Variants in LARGE1 observed in about 807,000 individuals in gnomAD.
The protein encoded by LARGE1 is xylosyl- and glucuronyltransferase LARGE1.
In LARGE1, 43 loss-of-function variants were observed where a neutral mutation model predicts 87.6. The observed-to-expected ratio is 0.49, with a 90% CI of 0.38 to 0.63. The LOEUF (loss-of-function observed/expected upper bound fraction) is 0.63, where lower values mean the gene tolerates loss of function less well. Among genes scored for constraint, LARGE1 ranks in the 30% least tolerant of loss-of-function variants. The pLI, the probability that LARGE1 is intolerant of heterozygous loss-of-function variation, is 0.00. For missense variants in LARGE1, 802 were observed against 1,000.2 expected, an observed-to-expected ratio of 0.80 and a Z score of 2.67; for synonymous variants, 434 against 394.6, an observed-to-expected ratio of 1.10 and a Z score of -1.18.
intron 10 of LARGE1, among the ~76,000 whole-genome samples, chr22:33,328,608 AAAAT>A (rs2146452606): frequency 6.6e-6 from 1 of 150,752 alleles, no homozygotes; most frequent in Non-Finnish European, 1.5e-5. Flanking sequence ...TAATAATAAT[AAAAT>A]AAAACAAATA....
intron 10 of LARGE1, among the ~76,000 whole-genome samples, chr22:33,337,322 C>T (rs906451352): frequency 1.7e-4 from 26 of 152,156 alleles, no homozygotes; most frequent in Admixed American, 5.9e-4. Flanking sequence ...TCCACAAAAA[C>T]ATTGGTGTTT....
chr22:33,623,323 A>G (rs1421817198), intron 4 of LARGE1, among the ~76,000 whole-genome samples: 1 of 152,116 alleles, frequency 6.6e-6, no homozygotes, highest in Non-Finnish European at 1.5e-5. Flanking sequence ...AACAATAACA[A>G]TGTGGAAAGG....
chr22:33,422,532 T>C (rs1379558390), intron 7 of LARGE1, among the ~76,000 whole-genome samples: 1 of 148,532 alleles, frequency 6.7e-6, no homozygotes, highest in Non-Finnish European at 1.5e-5. Flanking sequence ...TTTTTTGAGA[T>C]GGAATCTTGC....
the LARGE1 span, among the ~76,000 whole-genome samples, chr22:33,067,894 C>T: frequency 1.3e-5 from 2 of 151,740 alleles, no homozygotes; most frequent in East Asian, 1.9e-4. Context: ...GCAGGAGAAT[C>T]GGTTGAACCT....
At chr22:33,645,752 A>G (rs933236098) in intron 3 of LARGE1, among the ~76,000 whole-genome samples, 2 of 152,206 alleles carry the variant, frequency 1.3e-5, no homozygotes, top group African/African-American at 2.4e-5. Context: ...AACAAGAAAA[A>G]ACAAATGACC....
chr22:33,291,917 AC>A (rs1279879969), intron 12 of LARGE1, among the ~76,000 whole-genome samples: 1 of 152,062 alleles, frequency 6.6e-6, no homozygotes, highest in Non-Finnish European at 1.5e-5. Flanking sequence ...ACATAGTGAA[AC>A]CCCGTCTCTA....
chr22:33,196,632 C>T (rs1164469494), intron 11 of LARGE1, among the ~76,000 whole-genome samples: 1 of 151,926 alleles, frequency 6.6e-6, no homozygotes, highest in Non-Finnish European at 1.5e-5. Flanking sequence ...GGAACAGTTA[C>T]TTCATTCAAC....
chr22:33,234,813 T>A (rs917119086), intron 11 of LARGE1, among the ~76,000 whole-genome samples: 13 of 152,170 alleles, frequency 8.5e-5, no homozygotes, highest in Non-Finnish European at 1.9e-4. Context: ...AGTGCTGGGA[T>A]TACAGGTGTG....
chr22:33,817,203 T>G (rs1285923973), intron 1 of LARGE1, among the ~76,000 whole-genome samples: 1 of 152,174 alleles, frequency 6.6e-6, no homozygotes, highest in African/African-American at 2.4e-5. Flanking sequence ...AACCTGGTGC[T>G]TGCCAACAGC....
chr22:33,759,540 A>G (rs1427101055), intron 2 of LARGE1, among the ~76,000 whole-genome samples: 2 of 152,202 alleles, frequency 1.3e-5, no homozygotes. Flanking sequence ...AAACATATGT[A>G]GAAGTCCTTA....
At chr22:33,147,476 T>A in the LARGE1 span, among the ~76,000 whole-genome samples, 4 of 152,230 alleles carry the variant, frequency 2.6e-5, no homozygotes, top group Admixed American at 2.6e-4. Flanking sequence ...CGTTTTAGTT[T>A]ATTTTCTCCA....
chr22:33,534,433 G>A (rs1388395204), intron 6 of LARGE1, among the ~76,000 whole-genome samples: 2 of 151,962 alleles, frequency 1.3e-5, no homozygotes, highest in African/African-American at 4.8e-5. Flanking sequence ...AAAAAAGAGG[G>A]ATGAAGTCAC....
intron 3 of LARGE1, among the ~76,000 whole-genome samples, chr22:33,639,245 G>T (rs2149129292): frequency 6.6e-6 from 1 of 152,266 alleles, no homozygotes; most frequent in East Asian, 1.9e-4. Context: ...TAAAAGAAAG[G>T]GAGGTTGGGT....
intron 5 of LARGE1, among the ~76,000 whole-genome samples, chr22:33,567,126 T>C (rs537013339): frequency 6.6e-6 from 1 of 152,192 alleles, no homozygotes; most frequent in Non-Finnish European, 1.5e-5. Context: ...ATGGGTCTCA[T>C]GAGTCAGCAT....
chr22:33,853,475 C>T (rs1169226043), intron 1 of LARGE1, among the ~76,000 whole-genome samples: 1 of 152,184 alleles, frequency 6.6e-6, no homozygotes, highest in Non-Finnish European at 1.5e-5. Flanking sequence ...GCATTTAAGT[C>T]CCTTGTTCAA....
intron 2 of LARGE1, among the ~76,000 whole-genome samples, chr22:33,674,198 C>T (rs1307231261): frequency 6.6e-6 from 1 of 152,092 alleles, no homozygotes; most frequent in Non-Finnish European, 1.5e-5. Context: ...CCTGCCTCGG[C>T]CTCCCAAAGT....
intron 6 of LARGE1, among the ~76,000 whole-genome samples, chr22:33,497,017 C>T (rs1024364642): frequency 2.0e-5 from 3 of 151,512 alleles, no homozygotes; most frequent in Non-Finnish European, 4.4e-5. Context: ...TGTAGGGACA[C>T]AAATTCCAGA....
intron 1 of LARGE1, among the ~76,000 whole-genome samples, chr22:33,811,087 G>A (rs966367173): frequency 1.3e-5 from 2 of 152,134 alleles, no homozygotes; most frequent in Admixed American, 6.6e-5. Context: ...TGGGTAAATT[G>A]GGTGTTCAGG....
chr22:33,279,393 C>A (rs933083824), intron 13 of LARGE1, among the ~76,000 whole-genome samples: 1 of 152,168 alleles, frequency 6.6e-6, no homozygotes, highest in African/African-American at 2.4e-5. Context: ...GCAAGGGAGG[C>A]GCTAAGTGAG....
Sources: allele counts gnomAD v4.1 joint callset (sites outside exome capture counted in the v4.1 genomes callset), GRCh38; gene constraint gnomAD v4.1.1; transcripts MANE v1.5; gene names NCBI Gene and HGNC (gene_info 2026-07-23, HGNC 2026-07-21).